The following NFATC4 variants were observed in gnomAD, a reference collection of about 807,000 sequenced individuals.
NFATC4 encodes nuclear factor of activated T cells 4.
In NFATC4, 25 loss-of-function variants were observed where a neutral mutation model predicts 73.4. The observed-to-expected ratio is 0.34, with a 90% CI of 0.25 to 0.48. NFATC4 has a LOEUF of 0.48. Among genes scored for constraint, NFATC4 ranks in the 20% least tolerant of loss-of-function variants. NFATC4 has a pLI of 0.99. For synonymous variants in NFATC4, 523 were observed against 510.3 expected, an observed-to-expected ratio of 1.02 and a Z score of -0.34; for missense variants, 1,130 against 1,203.7, an observed-to-expected ratio of 0.94 and a Z score of 0.91.
Position 24,376,620 on chromosome 14 carries a change from C to T in NFATC4, c.2383C>T (p.Arg795Trp), listed in dbSNP as rs1352210330. 3.7e-6 allele frequency: 6 copies of T among 1,613,496 alleles called. No homozygotes were observed. The highest frequency in any genetic ancestry group is 2.2e-5 in the East Asian group (1 of 44,876). ...RPFPSDPYGGRGSSFSLGLPF... is the reference protein window; with the variant it reads ...RPFPSDPYGGWGSSFSLGLPF... The stretch of plus-strand genomic sequence containing the variant: ...CTTCCCTAGTGACCCGTATGGAGGG[C>T]GGGGCTCCTCTTTCTCCCTGGGGCT... The change falls in exon 9 of 10, where the codon CGG (arginine) becomes TGG (tryptophan). Residue 795 changes from arginine (R) to tryptophan (W), a missense_variant. By Grantham distance (101) the Arg-to-Trp change is moderately radical. Around this residue, in one of 3 missense-constraint regions of NFATC4, gnomAD observed 390 missense variants for 408.1 expected, o/e 0.96. Coordinates refer to ENST00000250373, the MANE Select transcript of NFATC4 (RefSeq NM_004554.5). This position sits in a 1 kb window ranked among gnomAD's most constrained non-coding sequence, Gnocchi z 5.0.
chr14:24,369,886 G>C lies in NFATC4; in HGVS notation c.488G>C (p.Gly163Ala), dbSNP rs767549810. 6.8e-6 allele frequency: 11 copies of C among 1,611,092 alleles called. No individual in the cohort carries two copies. The highest frequency in any genetic ancestry group is 9.3e-6 in the Non-Finnish European group (11 of 1,179,128). ...GGYREAGGQG[G>A]GAFFSPSPGS... ...TACAGAGAAGCAGGGGGCCAGGGTG[G>C]GGGGGCCTTCTTCAGCCCAAGCCCT... The change falls in exon 2 of 10, where the codon GGG becomes GCG. Residue 163 changes from glycine to alanine, a missense_variant. Around this residue, in one of 3 missense-constraint regions of NFATC4, gnomAD observed 585 missense variants for 574.3 expected, o/e 1.02. Coordinates refer to ENST00000250373, the MANE Select transcript of NFATC4 (RefSeq NM_004554.5).
In NFATC4 at chr14:24,370,404, G is replaced by C; in HGVS notation, c.1006G>C (p.Glu336Gln). Reference protein sequence around the residue: ...IPQKTRRTSSEQAVALPRSEE... With the variant: ...IPQKTRRTSSQQAVALPRSEE... ...TCAGAAGACACGGCGGACTTCCAGC[G>C]AGCAGGCAGTGGCTCTGCCTCGGTC... Residue 336 changes from glutamate to glutamine, a missense_variant, in exon 2 of 10, where the codon GAG (glutamate) becomes CAG (glutamine). Glu to Gln is a conservative substitution (Grantham distance 29). Coordinates refer to ENST00000250373, the MANE Select transcript of NFATC4 (RefSeq NM_004554.5). 1 of 1,614,026 alleles carries C rather than the reference G, an allele frequency of 6.2e-7. No individual in the cohort carries two copies. Among genetic ancestry groups the C allele is most frequent in the East Asian group, 2.2e-5 (1 of 44,882 alleles).
In NFATC4 at chr14:24,378,040, C is replaced by G; in HGVS notation, c.*335C>G. On this transcript the variant is annotated 3_prime_UTR_variant, in exon 10 of 10. Coordinates refer to ENST00000250373, the MANE Select transcript of NFATC4 (RefSeq NM_004554.5). Reference sequence around the variant, plus strand: ...CTGGGGACAGGTTGATGGTAATAAACTGCTCAATGACCAGTGCTTCAGGCT... The same window carrying G: ...CTGGGGACAGGTTGATGGTAATAAAGTGCTCAATGACCAGTGCTTCAGGCT... 5.2e-6 allele frequency: 2 copies of G among 386,956 alleles called. No homozygotes were observed. Among genetic ancestry groups the G allele is most frequent in the South Asian group, 6.6e-5 (2 of 30,356 alleles). 24.0% of individuals were successfully genotyped at this position (386,956 alleles called of 1,614,324 possible).
Position 24,370,323 on chromosome 14 carries a change from C to A in NFATC4, c.925C>A (p.Pro309Thr). 6.2e-7 allele frequency: 1 copy of A among 1,611,658 alleles called. No homozygotes were observed. Among genetic ancestry groups the A allele is most frequent in the South Asian group, 1.1e-5 (1 of 91,038 alleles). Reference sequence around the variant, plus strand: ...ACCCCCATTGCCTCTGGCCCGGGACCCGGGCTCCCCTGGTCCCTTTGACTA... The same window carrying A: ...ACCCCCATTGCCTCTGGCCCGGGACACGGGCTCCCCTGGTCCCTTTGACTA... The part of the protein sequence containing the change: ...PPPPLPLARD[P>T]GSPGPFDYVG... Residue 309 changes from proline to threonine, a missense_variant, in exon 2 of 10, where the codon CCG (proline) becomes ACG (threonine). By Grantham distance (38) the Pro-to-Thr change is conservative. Transcript: ENST00000250373.
In NFATC4 at chr14:24,376,814, C is replaced by G. The variant is rs748873080; in HGVS notation, c.2577C>G (p.Ser859=). The G allele has an allele frequency of 1.6e-5, 25 of 1,606,050 alleles. No individual in the cohort carries two copies. Among genetic ancestry groups the G allele is most frequent in the Non-Finnish European group, 2.1e-5 (25 of 1,177,058 alleles). ...PGEGAPEQEK[S]RGGYSSGFRD... is the part of the protein sequence containing the mutation. ...AGGGGGCTCCGGAGCAGGAGAAATC[C>G]AGGGGTGGCTACAGCAGCGGCTTCC... is the stretch of plus-strand genomic sequence containing the variant. Residue 859 remains serine, a synonymous_variant, in exon 9 of 10, where the codon TCC becomes TCG. Transcript: ENST00000250373. The surrounding 1 kb of genome is among the most constrained non-coding windows in gnomAD (Gnocchi z 5.0).
Position 24,369,441 on chromosome 14 carries a change from C to T in NFATC4, c.101-58C>T, listed in dbSNP as rs1225988550. 2.5e-6 allele frequency: 4 copies of T among 1,610,780 alleles called. No individual in the cohort carries two copies. In the East Asian group the frequency reaches 6.7e-5, roughly 27 times the overall value. On this transcript the variant is annotated intron_variant, in intron 1 of 9. Transcript: ENST00000250373. ...GGCCTGGCCACTCAAGGAACATAGC[C>T]ATCTCACCTGCTTCTCTCTTTCCCC... is the stretch of plus-strand genomic sequence containing the variant.
intron 1 of NFATC4, chr14:24,369,240 C>G: frequency 6.5e-7 from 1 of 1,537,048 alleles, no homozygotes; most frequent in South Asian, 1.2e-5. Flanking sequence ...GGACCCACCT[C>G]TCTCACCTTA....
At position 24,377,601 on chromosome 14, in the gene NFATC4, C is replaced by T. The variant is rs368090685; in HGVS notation, c.2642-37C>T. The T allele has an allele frequency of 9.3e-6, 15 of 1,613,910 alleles. No homozygotes were observed. Among genetic ancestry groups the T allele is most frequent in the East Asian group, 8.9e-5 (4 of 44,888 alleles). On this transcript the variant is annotated intron_variant, in intron 9 of 9. Coordinates refer to ENST00000250373, the MANE Select transcript of NFATC4 (RefSeq NM_004554.5). This position sits in a 1 kb window ranked among gnomAD's most constrained non-coding sequence, Gnocchi z 4.2. ...GGTCTTTGGAAAAGGAGGGGACCCA[C>T]CTCTAGCCCAGTCTCTCAACTGCCC...
chr14:24,373,458 C>T lies in NFATC4; in HGVS notation c.1559+88C>T. 6.7e-7 allele frequency: 1 copy of T among 1,490,176 alleles called. No homozygotes were observed. Among genetic ancestry groups the T allele is most frequent in the East Asian group, 2.3e-5 (1 of 43,640 alleles). The allele number at this position is 1,490,176 out of a possible 1,614,324, so 92.3% of individuals were successfully genotyped here. ...ATGCTAGCCCACTTCTTCCTTTTCCCAGAAGAGGTAGACATTTTTCCTAGG... is the reference window on the plus strand; with the variant it reads ...ATGCTAGCCCACTTCTTCCTTTTCCTAGAAGAGGTAGACATTTTTCCTAGG... On this transcript the variant is annotated intron_variant, in intron 4 of 9. Coordinates refer to ENST00000250373, the MANE Select transcript of NFATC4 (RefSeq NM_004554.5). The surrounding 1 kb of genome is among the most constrained non-coding windows in gnomAD (Gnocchi z 4.7).
chr14:24,372,043 G>A (rs2042487364), intron 2 of NFATC4: 1 of 178,226 alleles, frequency 5.6e-6, no homozygotes, highest in African/African-American at 2.4e-5. Flanking sequence ...GCCTTTTCTG[G>A]TCTGAAGCGG....
At position 24,373,764 on chromosome 14, in the gene NFATC4, C is replaced by T. The variant is rs762964789; in HGVS notation, c.1629C>T (p.Ile543=). Residue 543 remains isoleucine (I), a synonymous_variant, in exon 5 of 10, where the codon ATC becomes ATT. Coordinates refer to ENST00000250373, the MANE Select transcript of NFATC4 (RefSeq NM_004554.5). This position sits in a 1 kb window ranked among gnomAD's most constrained non-coding sequence, Gnocchi z 4.7. Reference sequence around the variant, plus strand: ...AGCTTCGGAAGGGTGAGACGGACATCGGGCGCAAAAACACACGTGTACGGC... The same window carrying T: ...AGCTTCGGAAGGGTGAGACGGACATTGGGCGCAAAAACACACGTGTACGGC... ...DIELRKGETD[I]GRKNTRVRLV... The T allele has an allele frequency of 1.1e-5, 17 of 1,614,010 alleles. No homozygotes were observed. The highest frequency in any genetic ancestry group is 2.7e-5 in the African/African-American group (2 of 74,938).
In NFATC4 at chr14:24,377,953, GT is replaced by G; in HGVS notation, c.*249del. ...GGAGGAGGGTGAAGACTGAGGCTAGGTGCCAGAATGGACTGGAGTGAAGGCG... is the reference window on the plus strand; with the variant it reads ...GGAGGAGGGTGAAGACTGAGGCTAGGGCCAGAATGGACTGGAGTGAAGGCG... On this transcript the variant is annotated 3_prime_UTR_variant, in exon 10 of 10. Coordinates refer to ENST00000250373, the MANE Select transcript of NFATC4 (RefSeq NM_004554.5). This position sits in a 1 kb window ranked among gnomAD's most constrained non-coding sequence, Gnocchi z 4.2. 1 of 717,318 alleles carries G rather than the reference GT, an allele frequency of 1.4e-6. No individual in the cohort carries two copies. Among genetic ancestry groups the G allele is most frequent in the Non-Finnish European group, 2.2e-6 (1 of 449,548 alleles). 44.4% of individuals were successfully genotyped at this position (717,318 alleles called of 1,614,324 possible). A position where few individuals can be genotyped will look rare whatever the true frequency, so the allele number is the denominator to read the frequency against.
At chr14:24,367,419 C>T (rs1054779536), upstream of NFATC4, 3 of 1,535,560 alleles carry the variant, frequency 2.0e-6, no homozygotes, top group African/African-American at 4.1e-5. Context: ...GGCTAATTCA[C>T]GGCCCCTCTG....
Position 24,370,409 on chromosome 14 carries a change from G to A in NFATC4, c.1011G>A (p.Gln337=). The change falls in exon 2 of 10, where the codon CAG becomes CAA. Residue 337 remains glutamine, a synonymous_variant. Coordinates refer to ENST00000250373, the MANE Select transcript of NFATC4 (RefSeq NM_004554.5). ...AGACACGGCGGACTTCCAGCGAGCA[G>A]GCAGTGGCTCTGCCTCGGTCTGAGG... The part of the protein sequence containing the change: ...PQKTRRTSSE[Q]AVALPRSEEP... 1 of 1,614,084 alleles carries A rather than the reference G, an allele frequency of 6.2e-7. No individual in the cohort carries two copies. The highest frequency in any genetic ancestry group is 2.2e-5 in the East Asian group (1 of 44,886).
At position 24,373,976 on chromosome 14, in the gene NFATC4, T is replaced by G. The variant is rs775177810; in HGVS notation, c.1732+109T>G. 146 of 1,465,104 alleles carry G rather than the reference T, an allele frequency of 1.0e-4. No individual in the cohort carries two copies. Among genetic ancestry groups the G allele is most frequent in the Non-Finnish European group, 1.3e-4 (135 of 1,066,314 alleles). The allele number at this position is 1,465,104 out of a possible 1,614,324, so 90.8% of individuals were successfully genotyped here. ...GCAGCGTCCTGTGCCCTGTCTGTCC[T>G]GGGTAGCTCTATAGAGGACTCAGCT... is the stretch of plus-strand genomic sequence containing the variant. On this transcript the variant is annotated intron_variant, in intron 5 of 9. Coordinates refer to ENST00000250373, the MANE Select transcript of NFATC4 (RefSeq NM_004554.5). The surrounding 1 kb of genome is among the most constrained non-coding windows in gnomAD (Gnocchi z 4.7).
chr14:24,369,211 C>T (rs547646456), intron 1 of NFATC4: 1 of 1,530,514 alleles, frequency 6.5e-7, no homozygotes. Context: ...CCAGGCCCAG[C>T]CCCAGCTCCA....
chr14:24,367,002 G>A, upstream of NFATC4: 2 of 1,608,168 alleles, frequency 1.2e-6, no homozygotes, highest in Non-Finnish European at 1.7e-6. Flanking sequence ...GGGATTTAGA[G>A]ACTGGAGACG....
At chr14:24,368,705 G>C (rs1161348187) in intron 1 of NFATC4, among the ~76,000 whole-genome samples, 2 of 151,770 alleles carry the variant, frequency 1.3e-5, no homozygotes, top group Non-Finnish European at 2.9e-5. Context: ...CTGAACTGGG[G>C]GGCGGGCGGG....
At chr14:24,368,147 T>G, upstream of NFATC4, 2 of 1,220,224 alleles carry the variant, frequency 1.6e-6, no homozygotes, top group Non-Finnish European at 2.0e-6. Context: ...GGGGACCGCT[T>G]TGAAGAAGTT....
Sources: allele counts gnomAD v4.1 joint callset (sites outside exome capture counted in the v4.1 genomes callset), GRCh38; gene constraint gnomAD v4.1.1; regional missense constraint gnomAD v4.1.1; non-coding constraint Gnocchi (gnomAD v3.1); transcripts MANE v1.5; gene names NCBI Gene and HGNC (gene_info 2026-07-23, HGNC 2026-07-21).